Variants in GVQW3 observed in about 807,000 individuals in gnomAD.
The protein encoded by GVQW3 is GVQW motif containing 3, also known as protein GVQW3.
A neutral mutation model predicts 12.5 loss-of-function variants in GVQW3; 7 were observed. That is an observed-to-expected ratio of 0.56 (90% confidence interval 0.32 to 1.05). GVQW3 has a LOEUF of 1.05. Among genes scored for constraint, GVQW3 ranks in the 50% least tolerant of loss-of-function variants. The pLI is 0.04. For synonymous variants in GVQW3, 71 were observed against 67.2 expected (o/e 1.06, Z -0.28); for missense variants, 188 against 190.8 (o/e 0.99, Z 0.09).
chr11:76,406,790 C>G lies in GVQW3; in HGVS notation c.*3032C>G, dbSNP rs963421596. The G allele has an allele frequency of 2.0e-5, 3 of 152,144 alleles. No individual in the cohort carries two copies. The highest frequency in any genetic ancestry group is 4.4e-5 in the Non-Finnish European group (3 of 68,034). The allele number at this position is 152,144 out of a possible 1,614,324, so 9.4% of individuals were successfully genotyped here. On this transcript the variant is annotated 3_prime_UTR_variant, in exon 2 of 2. Transcript: ENST00000529331. ...TTAGGAGGCCAAGGCGGGTCGATCA[C>G]GAAGTCAGGAGATCGAGACCAACCT... is the stretch of plus-strand genomic sequence containing the variant.
At chr11:76,398,302 TTTTC>T (rs1946958161) in intron 1 of GVQW3, among the ~76,000 whole-genome samples, 2 of 152,084 alleles carry the variant, frequency 1.3e-5, no homozygotes, top group Non-Finnish European at 2.9e-5. Context: ...CGATTTTCTT[TTTTC>T]TTTCTTTTTC....
At chr11:76,400,580 C>T (rs925627322) in intron 1 of GVQW3, among the ~76,000 whole-genome samples, 1 of 151,996 alleles carries the variant, frequency 6.6e-6, no homozygotes, top group Non-Finnish European at 1.5e-5. Context: ...ACCACCATGC[C>T]TGGCTAATTT....
At chr11:76,382,588 T>C in intron 1 of GVQW3, 1 of 574,098 alleles carries the variant, frequency 1.7e-6, no homozygotes, top group Non-Finnish European at 3.1e-6. Flanking sequence ...CTCATTACTC[T>C]TTGCTGGACT....
intron 1 of GVQW3, among the ~76,000 whole-genome samples, chr11:76,385,679 TC>T (rs2134536869): frequency 6.6e-6 from 1 of 152,298 alleles, no homozygotes; most frequent in African/African-American, 2.4e-5. Flanking sequence ...GCTCCCCGCT[TC>T]AGCTGCTGAG....
intron 1 of GVQW3, among the ~76,000 whole-genome samples, chr11:76,387,926 CAAA>C (rs1485991929): frequency 6.6e-6 from 1 of 150,988 alleles, no homozygotes; most frequent in Non-Finnish European, 1.5e-5. Flanking sequence ...CTGTCTCAAA[CAAA>C]AAAAAGAAAT....
intron 1 of GVQW3, among the ~76,000 whole-genome samples, chr11:76,391,661 A>G (rs981240825): frequency 6.6e-6 from 1 of 152,192 alleles, no homozygotes; most frequent in African/African-American, 2.4e-5. Flanking sequence ...TCCTTCAAAA[A>G]CATCCAGCCA....
intron 1 of GVQW3, among the ~76,000 whole-genome samples, chr11:76,400,384 G>T (rs527412165): frequency 1.3e-5 from 2 of 151,430 alleles, no homozygotes; most frequent in East Asian, 3.9e-4. Context: ...AAAGTGCTGG[G>T]ATTACAGGTG....
chr11:76,394,558 A>G (rs1333899043), intron 1 of GVQW3, among the ~76,000 whole-genome samples: 3 of 152,204 alleles, frequency 2.0e-5, no homozygotes, highest in Non-Finnish European at 4.4e-5. Context: ...TCCATTGTGT[A>G]TATCTGCCAC....
intron 1 of GVQW3, among the ~76,000 whole-genome samples, chr11:76,387,724 C>T (rs1946849415): frequency 6.6e-6 from 1 of 152,070 alleles, no homozygotes; most frequent in South Asian, 2.1e-4. Flanking sequence ...AGTTAGAGAC[C>T]AACCTGGGCC....
chr11:76,386,161 G>A (rs1444305326), intron 1 of GVQW3, among the ~76,000 whole-genome samples: 2 of 152,196 alleles, frequency 1.3e-5, no homozygotes, highest in African/African-American at 2.4e-5. Context: ...CCACAGCTGA[G>A]CGTCTAAGAG....
At chr11:76,401,038 T>C (rs987972068) in intron 1 of GVQW3, among the ~76,000 whole-genome samples, 1 of 147,036 alleles carries the variant, frequency 6.8e-6, no homozygotes, top group African/African-American at 2.5e-5. Flanking sequence ...TATATATATA[T>C]ATATTTTTTC....
intron 1 of GVQW3, among the ~76,000 whole-genome samples, chr11:76,389,057 A>G (rs943362588): frequency 6.6e-6 from 1 of 152,210 alleles, no homozygotes; most frequent in Non-Finnish European, 1.5e-5. Flanking sequence ...AGGCTTGACA[A>G]TCTTAAAGTC....
At chr11:76,403,495 G>A (rs576021678) in intron 1 of GVQW3, among the ~76,000 whole-genome samples, 165 bp from the exon 2 acceptor site, 1 of 152,158 alleles carries the variant, frequency 6.6e-6, no homozygotes, top group South Asian at 2.1e-4. Flanking sequence ...TTAGAAACAG[G>A]ATATTGTTCT....
chr11:76,384,695 C>G (rs1054443433), intron 1 of GVQW3, among the ~76,000 whole-genome samples: 3 of 152,234 alleles, frequency 2.0e-5, no homozygotes, highest in Non-Finnish European at 2.9e-5. Context: ...TGTAAGAAAA[C>G]TCTTAAACCA....
At position 76,403,783 on chromosome 11, in the gene GVQW3, G is replaced by A. The variant is rs1375208170; in HGVS notation, c.*25G>A. On this transcript the variant is annotated 3_prime_UTR_variant, in exon 2 of 2. Coordinates refer to ENST00000529331, the MANE Select transcript of GVQW3 (RefSeq NM_001347885.2). Reference sequence around the variant, plus strand: ...AGCCACCATGCCAAGCCAAAACCAGGAGTTCAATGGTGTAAATTCCAGTCT... The same window carrying A: ...AGCCACCATGCCAAGCCAAAACCAGAAGTTCAATGGTGTAAATTCCAGTCT... The A allele has an allele frequency of 1.8e-6, 1 of 563,042 alleles. No individual in the cohort carries two copies. The highest frequency in any genetic ancestry group is 1.9e-5 in the African/African-American group (1 of 52,954). 34.9% of individuals were successfully genotyped at this position (563,042 alleles called of 1,614,324 possible).
rs1947025322 is a variant in GVQW3, at chr11:76,404,959, T to C, written c.*1201T>C. Reference sequence around the variant, plus strand: ...GTAAATAGCTACCCTTTATTGAGCATTGTTTATGTGTGGACACTTTTTATG... The same window carrying C: ...GTAAATAGCTACCCTTTATTGAGCACTGTTTATGTGTGGACACTTTTTATG... On this transcript the variant is annotated 3_prime_UTR_variant, in exon 2 of 2. Transcript: ENST00000529331. The C allele has an allele frequency of 6.6e-6, 1 of 152,252 alleles. No homozygotes were observed. The highest frequency in any genetic ancestry group is 6.5e-5 in the Admixed American group (1 of 15,288). The allele number at this position is 152,252 out of a possible 1,614,324, so 9.4% of individuals were successfully genotyped here. A position where few individuals can be genotyped will look rare whatever the true frequency, so the allele number is the denominator to read the frequency against.
rs1295941976 is a variant in GVQW3, at chr11:76,403,910, T to A, written c.*152T>A. 3 of 701,658 alleles carry A rather than the reference T, an allele frequency of 4.3e-6. No homozygotes were observed. The African/African-American group carries it at 5.2e-5, about 12-fold the overall frequency. The allele number at this position is 701,658 out of a possible 1,614,324, so 43.5% of individuals were successfully genotyped here. A position where few individuals can be genotyped will look rare whatever the true frequency, so the allele number is the denominator to read the frequency against. On this transcript the variant is annotated 3_prime_UTR_variant, in exon 2 of 2. Transcript: ENST00000529331. ...GAACAAATTTGCCCTTCTATCTTTTTGTTCTATTCAGGTCCTCAATGAATT... is the reference window on the plus strand; with the variant it reads ...GAACAAATTTGCCCTTCTATCTTTTAGTTCTATTCAGGTCCTCAATGAATT...
Position 76,382,036 on chromosome 11 carries a change from C to G in GVQW3, c.208C>G (p.Arg70Gly), listed in dbSNP as rs959770113. The part of the protein sequence containing the change: ...DARSGRPVTH[R>G]TDDNIQKVKD... ...CCGAAGTGGGCGTCCAGTCACCCAC[C>G]GAACAGATGACAATATCCAGAAGGT... The change falls in exon 1 of 2, where the codon CGA becomes GGA. Residue 70 changes from arginine (R) to glycine (G), a missense_variant. Coordinates refer to ENST00000529331, the MANE Select transcript of GVQW3 (RefSeq NM_001347885.2). 2.0e-6 allele frequency: 3 copies of G among 1,536,336 alleles called. No homozygotes were observed. The highest frequency in any genetic ancestry group is 2.7e-5 in the African/African-American group (2 of 73,034).
intron 1 of GVQW3, chr11:76,383,706 A>C (rs778681656): frequency 1.1e-3 from 164 of 152,242 alleles, no homozygotes; most frequent in Non-Finnish European, 2.0e-3. Context: ...TTGAACCCGG[A>C]AGGCAGAGGT....
Sources: allele counts gnomAD v4.1 joint callset (sites outside exome capture counted in the v4.1 genomes callset), GRCh38; gene constraint gnomAD v4.1.1; transcripts MANE v1.5; gene names NCBI Gene and HGNC (gene_info 2026-07-23, HGNC 2026-07-21).